The following GRM3 variants were observed in gnomAD, a reference collection of about 807,000 sequenced individuals.
GRM3 encodes the protein metabotropic glutamate receptor 3.
In GRM3, 26 loss-of-function variants were observed where a neutral mutation model predicts 70.5. The observed-to-expected ratio is 0.37, with a 90% confidence interval of 0.27 to 0.51. GRM3 has a LOEUF of 0.51. Ranked by LOEUF, GRM3 falls within the 20% of genes least tolerant of loss-of-function variation. GRM3 has a pLI of 0.93. For synonymous variants in GRM3, 443 were observed against 434.9 expected (o/e 1.02, Z -0.23); for missense variants, 859 against 1,123.8 (o/e 0.76, Z 3.37).
chr7:86,694,282 T>C (rs760927605), intron 1 of GRM3, among the ~76,000 whole-genome samples: 2 of 151,732 alleles, frequency 1.3e-5, no homozygotes, highest in Non-Finnish European at 2.9e-5. Flanking sequence ...TTCCAGCACT[T>C]TGGGAGGCCG....
rs1199828273 is a variant in GRM3, at chr7:86,765,098, A to T, written c.-48A>T. ...GGAAATGAGAGAGGACTAGCATGAC[A>T]CATTGGCTCCACCATTGATATCTCC... On this transcript the variant is annotated 5_prime_UTR_variant, in exon 2 of 6. Coordinates refer to ENST00000361669, the MANE Select transcript of GRM3 (RefSeq NM_000840.3). 4.6e-6 allele frequency: 7 copies of T among 1,522,982 alleles called. No individual in the cohort carries two copies. Among genetic ancestry groups the T allele is most frequent in the Non-Finnish European group, 6.1e-6 (7 of 1,142,566 alleles). The allele number at this position is 1,522,982 out of a possible 1,614,324, so 94.3% of individuals were successfully genotyped here. A position where few individuals can be genotyped will look rare whatever the true frequency, so the allele number is the denominator to read the frequency against.
intron 1 of GRM3, among the ~76,000 whole-genome samples, chr7:86,677,273 TA>T (rs1370475543): frequency 6.6e-6 from 1 of 151,950 alleles, no homozygotes; most frequent in Non-Finnish European, 1.5e-5. Flanking sequence ...GACACCTTTT[TA>T]AAAAAATGTC....
intron 1 of GRM3, among the ~76,000 whole-genome samples, chr7:86,679,671 A>C (rs77941682): frequency 0.024 from 3,681 of 152,058 alleles, 71 homozygotes; most frequent in East Asian, 0.062. Flanking sequence ...TCCTGTCCTC[A>C]TTCCTCCTCG....
intron 1 of GRM3, among the ~76,000 whole-genome samples, chr7:86,662,946 G>A (rs1244713030): frequency 6.6e-6 from 1 of 151,608 alleles, no homozygotes; most frequent in African/African-American, 2.4e-5. Flanking sequence ...TTTCTCTAAT[G>A]AGTTAAAGCA....
At chr7:86,849,137 T>C (rs769034536) in intron 4 of GRM3, among the ~76,000 whole-genome samples, 3 of 152,168 alleles carry the variant, frequency 2.0e-5, no homozygotes, top group Admixed American at 6.6e-5. Context: ...TTCAGAGTCA[T>C]AGGCAGGAAC....
At chr7:86,686,253 G>C (rs1794565236) in intron 1 of GRM3, among the ~76,000 whole-genome samples, 1 of 152,160 alleles carries the variant, frequency 6.6e-6, no homozygotes, top group Non-Finnish European at 1.5e-5. Flanking sequence ...TGGCATGGGA[G>C]AACAGAGCTC....
rs375359733 is a variant in GRM3 at position 86,796,004 on chromosome 7, G to A, written c.1324+8888G>A. Among the ~76,000 whole-genome samples the A allele has an allele frequency of 1.5e-3, 228 of 152,180 alleles. 1 individual carries two copies. Among genetic ancestry groups the A allele is most frequent in the African/African-American group, 4.8e-3 (199 of 41,552 alleles). The stretch of plus-strand genomic sequence containing the variant: ...GAACAGATTGCAAAAATTTTCTCCC[G>A]TTCCGTAGGTTGGTTGTTCAGTTGA... On this transcript the variant is annotated intron_variant, in intron 3 of 5. Transcript: ENST00000361669.
At chr7:86,736,192 T>C (rs140062552) in intron 1 of GRM3, among the ~76,000 whole-genome samples, 1 of 152,008 alleles carries the variant, frequency 6.6e-6, no homozygotes, top group East Asian at 1.9e-4. Flanking sequence ...TACATGGTGA[T>C]TGTTGGGGAA....
chr7:86,794,084 A>G (rs1037871247), intron 3 of GRM3, among the ~76,000 whole-genome samples: 1 of 152,052 alleles, frequency 6.6e-6, no homozygotes, highest in Non-Finnish European at 1.5e-5. Flanking sequence ...TTTTTTTTAA[A>G]TGTAACTAAA....
intron 5 of GRM3, among the ~76,000 whole-genome samples, chr7:86,861,892 C>T (rs992650806): frequency 6.6e-6 from 1 of 152,140 alleles, no homozygotes; most frequent in Non-Finnish European, 1.5e-5. Context: ...TGGAAACAGA[C>T]AGGCCAGTGG....
At chr7:86,822,721 A>G (rs1410494150) in intron 3 of GRM3, among the ~76,000 whole-genome samples, 1 of 152,212 alleles carries the variant, frequency 6.6e-6, no homozygotes, top group African/African-American at 2.4e-5. Context: ...ATACACCAAT[A>G]TAGTACATGT....
intron 1 of GRM3, among the ~76,000 whole-genome samples, chr7:86,646,013 GGGTGGGAGGGAGT>G (rs1793461022): frequency 8.6e-5 from 6 of 69,990 alleles, no homozygotes; most frequent in African/African-American, 1.8e-4. Context: ...GGGTGGGGGG[GGGTGGGAGGGAGT>G]TTAGGGGGTG....
At chr7:86,766,242 A>G (rs1484958068) in intron 2 of GRM3, among the ~76,000 whole-genome samples, 1 of 152,106 alleles carries the variant, frequency 6.6e-6, no homozygotes, top group Non-Finnish European at 1.5e-5. Context: ...CAAACACAGG[A>G]AGGCATAATG....
chr7:86,787,835 A>AT (rs551881839), intron 3 of GRM3, among the ~76,000 whole-genome samples: 16 of 152,194 alleles, frequency 1.1e-4, no homozygotes, highest in Admixed American at 2.0e-4. Flanking sequence ...GTGAAAAGTG[A>AT]TTTTTGCTGC....
intron 1 of GRM3, among the ~76,000 whole-genome samples, chr7:86,714,195 C>T (rs1795261850): frequency 6.6e-6 from 1 of 151,984 alleles, no homozygotes; most frequent in Non-Finnish European, 1.5e-5. Flanking sequence ...ACAGATATTT[C>T]CCCTAATAAA....
At chr7:86,729,936 T>A (rs1322558718) in intron 1 of GRM3, among the ~76,000 whole-genome samples, 1 of 150,550 alleles carries the variant, frequency 6.6e-6, no homozygotes, top group Non-Finnish European at 1.5e-5. Flanking sequence ...TGAAACCCTG[T>A]CTCTACTAAA....
chr7:86,844,523 T>G (rs559108875), intron 4 of GRM3, among the ~76,000 whole-genome samples: 1 of 152,136 alleles, frequency 6.6e-6, no homozygotes, highest in East Asian at 1.9e-4. Context: ...CACTGAAAGA[T>G]TTTTAAGCAG....
At chr7:86,826,343 T>C (rs1562875799) in intron 3 of GRM3, among the ~76,000 whole-genome samples, 2 of 152,210 alleles carry the variant, frequency 1.3e-5, no homozygotes, top group Non-Finnish European at 2.9e-5. Flanking sequence ...ATATATCTCC[T>C]GCTCCTGCTG....
At chr7:86,742,318 C>G (rs1214323440) in intron 1 of GRM3, among the ~76,000 whole-genome samples, 1 of 152,136 alleles carries the variant, frequency 6.6e-6, no homozygotes, top group Admixed American at 6.6e-5. Context: ...CTTCTACTTC[C>G]TTCTATTCAT....
Sources: gnomAD v4.1 joint callset for allele counts (sites outside exome capture counted in the v4.1 genomes callset) on GRCh38, gnomAD v4.1.1 for gene constraint, MANE v1.5 for transcripts, NCBI Gene and HGNC (gene_info 2026-07-23, HGNC 2026-07-21) for gene names.